Variants in MYH15 observed in about 807,000 individuals in gnomAD.
The protein encoded by MYH15 is myosin-15.
MYH15 carries 227 observed loss-of-function variants against 240.5 expected under a neutral mutation model. The ratio of observed to expected loss-of-function variants is 0.94; its 90% CI spans 0.85 to 1.05. MYH15 has a LOEUF of 1.05. Among genes scored for constraint, MYH15 ranks in the 50% least tolerant of loss-of-function variants. The pLI, the probability that MYH15 is intolerant of heterozygous loss-of-function variation, is 0.00. For missense variants in MYH15, 2,217 were observed against 2,247.5 expected, an observed-to-expected ratio of 0.99 and a Z score of 0.27; for synonymous variants, 785 against 796.7, an observed-to-expected ratio of 0.99 and a Z score of 0.25.
chr3:108,468,999 GT>G (rs753371179), intron 14 of MYH15, among the ~76,000 whole-genome samples: 1 of 152,104 alleles, frequency 6.6e-6, no homozygotes, highest in Non-Finnish European at 1.5e-5. Flanking sequence ...ATCAGCTCAT[GT>G]TTGATTCATT....
At chr3:108,493,051 AG>A (rs1200597848) in intron 8 of MYH15, 62 bp downstream of exon 8, 4 of 1,345,534 alleles carry the variant, frequency 3.0e-6, no homozygotes, top group Admixed American at 1.7e-5. Flanking sequence ...GGAAGGAAAG[AG>A]AAGGGAAGGG....
Position 108,428,484 on chromosome 3 carries a change from G to A in MYH15, c.3702+8C>T, listed in dbSNP as rs1028150386. Reference sequence around the variant, plus strand: ...AGAAGACCACGAGGATGGCATGGGAGTATCTACCTTAGCTCTTGTCATCTG... The same window carrying A: ...AGAAGACCACGAGGATGGCATGGGAATATCTACCTTAGCTCTTGTCATCTG... On this transcript the variant is annotated splice_region_variant and intron_variant, in intron 27 of 40. Coordinates refer to ENST00000693548, the MANE Select transcript of MYH15 (RefSeq NM_014981.3). 1.2e-6 allele frequency: 2 copies of A among 1,600,244 alleles called. No homozygotes were observed. The highest frequency in any genetic ancestry group is 2.2e-5 in the East Asian group (1 of 44,618).
At chr3:108,507,614 G>T (rs2083488739) in intron 1 of MYH15, among the ~76,000 whole-genome samples, 1 of 152,276 alleles carries the variant, frequency 6.6e-6, no homozygotes, top group Non-Finnish European at 1.5e-5. Flanking sequence ...CACCATGCTT[G>T]TTTCTGCAAA....
At chr3:108,470,521 A>T (rs1397549618) in intron 13 of MYH15, among the ~76,000 whole-genome samples, 177 bp downstream of exon 13, 1 of 152,184 alleles carries the variant, frequency 6.6e-6, no homozygotes, top group Non-Finnish European at 1.5e-5. Context: ...ACTTAATACC[A>T]TTAAGTATAA....
Position 108,486,481 on chromosome 3 carries a change from G to A in MYH15, c.917C>T (p.Ser306Phe). 6.2e-7 allele frequency: 1 copy of A among 1,612,756 alleles called. No homozygotes were observed. The highest frequency in any genetic ancestry group is 2.2e-5 in the East Asian group (1 of 44,874). The change falls in exon 10 of 41, where the codon TCC becomes TTC. Residue 306 changes from serine to phenylalanine, a missense_variant. Coordinates refer to ENST00000693548, the MANE Select transcript of MYH15 (RefSeq NM_014981.3). ...GCTCTCCACAGTAACTGCTCCACAG[G>A]AGCAAAAGTGGAAGTCTGAGGGATT... Reference protein sequence around the residue: ...SANPSDFHFCSCGAVTVESLD... With the variant: ...SANPSDFHFCFCGAVTVESLD...
At chr3:108,418,276 C>T (rs561547249) in intron 28 of MYH15, among the ~76,000 whole-genome samples, 9 of 152,292 alleles carry the variant, frequency 5.9e-5, no homozygotes, top group African/African-American at 2.2e-4. Flanking sequence ...TGTTTTGTCA[C>T]ACAGAATAGT....
Position 108,470,060 on chromosome 3 carries a change from G to T in MYH15, c.1536C>A (p.Cys512Ter). ...ATATTACCTTCTCAATGAGATCTAT[G>T]CAAGCTTGCAAATCCAGACCAAAGC... Reference protein sequence around the residue: ...SIGFGLDLQACIDLIEKPMGI... With the variant: ...SIGFGLDLQA Residue 512 changes from cysteine (C) to a stop codon, truncating the protein, a stop_gained, in exon 14 of 41, where the codon TGC (cysteine) becomes TGA (stop). Coordinates refer to ENST00000693548, the MANE Select transcript of MYH15 (RefSeq NM_014981.3). LOFTEE classifies it high-confidence loss of function. 1.9e-6 allele frequency: 3 copies of T among 1,602,568 alleles called. No individual in the cohort carries two copies. Among genetic ancestry groups the T allele is most frequent in the Non-Finnish European group, 2.6e-6 (3 of 1,176,376 alleles).
intron 28 of MYH15, among the ~76,000 whole-genome samples, chr3:108,419,271 G>A (rs1029282223): frequency 1.1e-4 from 17 of 152,146 alleles, no homozygotes; most frequent in African/African-American, 3.6e-4. Context: ...GACCCAGTGA[G>A]GGGAGGATAG....
chr3:108,410,604 T>C lies in MYH15; in HGVS notation c.4474A>G (p.Arg1492Gly). The C allele has an allele frequency of 1.9e-6, 3 of 1,597,908 alleles. No individual in the cohort carries two copies. Among genetic ancestry groups the C allele is most frequent in the South Asian group, 1.1e-5 (1 of 90,452 alleles). The change falls in exon 31 of 41, where the codon AGG becomes GGG. Residue 1492 changes from arginine to glycine, a missense_variant. Arg to Gly is a moderately radical substitution (Grantham distance 125, BLOSUM62 -2). Transcript: ENST00000693548. Reference sequence around the variant, plus strand: ...GTACCTTGGAGGTTCTTGTTCTCCCTCCTGAGTGTCTCCTGGCCCACGATG... The same window carrying C: ...GTACCTTGGAGGTTCTTGTTCTCCCCCCTGAGTGTCTCCTGGCCCACGATG... The part of the protein sequence containing the change: ...ESIVGQETLR[R>G]ENKNLQEEIS...
chr3:108,385,274 C>T (rs2082372907), intron 38 of MYH15, among the ~76,000 whole-genome samples: 1 of 152,210 alleles, frequency 6.6e-6, no homozygotes, highest in Admixed American at 6.5e-5. Context: ...AAACCAATTG[C>T]TCCCCAATCA....
chr3:108,530,616 T>A (rs1257000740), upstream of MYH15, among the ~76,000 whole-genome samples: 1 of 152,216 alleles, frequency 6.6e-6, no homozygotes, highest in Non-Finnish European at 1.5e-5. Context: ...TCATCAATTA[T>A]AAGATGTGTA....
rs1255409643 is a variant in MYH15, at chr3:108,405,396, C to T, written c.4678G>A (p.Ala1560Thr). The change falls in exon 33 of 41, where the codon GCT (alanine) becomes ACT (threonine). Residue 1560 changes from alanine to threonine, a missense_variant. Physicochemically the swap from Ala to Thr is moderately conservative, Grantham distance 58. Coordinates refer to ENST00000693548, the MANE Select transcript of MYH15 (RefSeq NM_014981.3). ...AGCTTTCTTTCAAGTTCTGCTTTAG[C>T]TTCCAAGAGTTCAAGCTGGAAATGA... ...ILHFQLELLE[A>T]KAELERKLSE... 1.3e-6 allele frequency: 2 copies of T among 1,526,026 alleles called. No homozygotes were observed. Among genetic ancestry groups the T allele is most frequent in the Non-Finnish European group, 1.8e-6 (2 of 1,122,476 alleles). The allele number at this position is 1,526,026 out of a possible 1,614,324, so 94.5% of individuals were successfully genotyped here. A position where few individuals can be genotyped will look rare whatever the true frequency, so the allele number is the denominator to read the frequency against.
At chr3:108,401,789 G>T (rs891939113) in intron 33 of MYH15, among the ~76,000 whole-genome samples, 2 of 152,160 alleles carry the variant, frequency 1.3e-5, no homozygotes, top group South Asian at 2.1e-4. Flanking sequence ...GGTTTAAAAG[G>T]CATGGGTATA....
At chr3:108,460,445 G>A (rs879569486) in intron 16 of MYH15, 78 bp from the exon 17 acceptor site, 3 of 1,139,236 alleles carry the variant, frequency 2.6e-6, no homozygotes, top group East Asian at 5.2e-5. Context: ...CCCACTGATG[G>A]AAGCATAAAT....
At chr3:108,466,075 A>T (rs983976187) in intron 14 of MYH15, among the ~76,000 whole-genome samples, 1 of 152,238 alleles carries the variant, frequency 6.6e-6, no homozygotes, top group Non-Finnish European at 1.5e-5. Context: ...AACAACATGT[A>T]AACAAAATGA....
the MYH15 span, among the ~76,000 whole-genome samples, chr3:108,537,050 G>C: frequency 0.015 from 2,246 of 152,288 alleles, 34 homozygotes; most frequent in Admixed American, 0.029. Flanking sequence ...CCTGCAATTG[G>C]ATGGGGAAAT....
intron 15 of MYH15, among the ~76,000 whole-genome samples, chr3:108,464,376 C>T (rs545968887): frequency 4.9e-4 from 75 of 152,162 alleles, no homozygotes; most frequent in Non-Finnish European, 9.6e-4. Flanking sequence ...TGATGGTCTC[C>T]ATGCCTTTCT....
At chr3:108,530,268 A>G (rs530111794), upstream of MYH15, among the ~76,000 whole-genome samples, 25 of 152,346 alleles carry the variant, frequency 1.6e-4, no homozygotes, top group Non-Finnish European at 3.4e-4. Flanking sequence ...ATCTATAGGA[A>G]TACAAATATA....
At chr3:108,435,912 T>C (rs895163514) in intron 25 of MYH15, among the ~76,000 whole-genome samples, 6 of 152,012 alleles carry the variant, frequency 3.9e-5, no homozygotes, top group Admixed American at 3.9e-4. Flanking sequence ...AGGTTGCTTC[T>C]ATATATTGGC....
Sources: allele counts gnomAD v4.1 joint callset (sites outside exome capture counted in the v4.1 genomes callset), GRCh38; gene constraint gnomAD v4.1.1; transcripts MANE v1.5; gene names NCBI Gene and HGNC (gene_info 2026-07-23, HGNC 2026-07-21).